The following KANTR variants were observed in gnomAD, a reference collection of about 807,000 sequenced individuals.
The protein encoded by KANTR is KANTR integral membrane protein, also known as KDM5C adjacent transcript.
chrX:53,096,394 A>T (rs1227027390), intron 1 of KANTR, among the ~76,000 whole-genome samples: 2 of 112,522 alleles, frequency 1.8e-5, no homozygotes, highest in Non-Finnish European at 3.8e-5. Flanking sequence ...TACTGGTGAG[A>T]TATTCTAAAG....
intron 1 of KANTR, chrX:53,094,730 C>T (rs782051878): frequency 3.0e-4 from 34 of 112,101 alleles, no homozygotes; most frequent in African/African-American, 1.0e-3. Context: ...CAGCCTGGGC[C>T]TCAGTTTCCT....
At chrX:53,124,074 T>TTGTG in exon 3 of KANTR, 1 of 261,692 alleles carries the variant, frequency 3.8e-6, no homozygotes. Context: ...TTTTGTTTGT[T>TTGTG]TGTTTGTTTT....
downstream of KANTR, among the ~76,000 whole-genome samples, chrX:53,145,148 CAGTG>C (rs781783306): frequency 2.2e-4 from 24 of 111,301 alleles, no homozygotes; most frequent in African/African-American, 7.2e-4. Flanking sequence ...GAGTGTCTGA[CAGTG>C]GGTGCAGGAC....
At chrX:53,140,100 G>A (rs1231222107) in intron 2 of KANTR, among the ~76,000 whole-genome samples, 1 of 112,606 alleles carries the variant, frequency 8.9e-6, no homozygotes, top group Non-Finnish European at 1.9e-5. Flanking sequence ...CCAAGTGGCG[G>A]TGGGGGTGTA....
chrX:53,137,899 G>GT (rs1200435829), intron 2 of KANTR, among the ~76,000 whole-genome samples: 2 of 110,377 alleles, frequency 1.8e-5, no homozygotes, highest in Admixed American at 1.9e-4. Context: ...CTATATCTTG[G>GT]TTTTTTAATT....
At chrX:53,115,673 G>A (rs1933113025) in intron 2 of KANTR, among the ~76,000 whole-genome samples, 1 of 113,169 alleles carries the variant, frequency 8.8e-6, no homozygotes, top group Non-Finnish European at 1.9e-5. Flanking sequence ...TGGAGTCCAA[G>A]GGAAAGCCCA....
At chrX:53,135,354 A>T (rs1556817483) in intron 2 of KANTR, among the ~76,000 whole-genome samples, 1 of 111,202 alleles carries the variant, frequency 9.0e-6, no homozygotes, top group Non-Finnish European at 1.9e-5. Flanking sequence ...GTCTGCTTGG[A>T]TCACCCCTAG....
At chrX:53,102,987 T>C (rs980140360) in intron 2 of KANTR, among the ~76,000 whole-genome samples, 1 of 16,300 alleles carries the variant, frequency 6.1e-5, no homozygotes, top group East Asian at 4.7e-3. Flanking sequence ...TTTGTTTGTT[T>C]TTTTTTTTTT....
chrX:53,106,742 G>T (rs1378364932), intron 2 of KANTR, among the ~76,000 whole-genome samples: 1 of 110,333 alleles, frequency 9.1e-6, no homozygotes, highest in Non-Finnish European at 1.9e-5. Flanking sequence ...AGGGGTACAG[G>T]TTTATTCTTC....
At chrX:53,096,230 T>C (rs2146710706) in intron 1 of KANTR, among the ~76,000 whole-genome samples, 1 of 112,126 alleles carries the variant, frequency 8.9e-6, no homozygotes, top group Non-Finnish European at 1.9e-5. Context: ...ACTCTCCCAC[T>C]CAATTATAAG....
At chrX:53,128,000 G>T (rs1353487239), downstream of KANTR, among the ~76,000 whole-genome samples, 1 of 111,279 alleles carries the variant, frequency 9.0e-6, no homozygotes, top group Non-Finnish European at 1.9e-5. Flanking sequence ...AGCTCAAAAA[G>T]AGTTTATTTC....
At chrX:53,138,433 C>T (rs1261149474) in intron 2 of KANTR, among the ~76,000 whole-genome samples, 2 of 107,209 alleles carry the variant, frequency 1.9e-5, no homozygotes, top group Non-Finnish European at 3.9e-5. Flanking sequence ...GAGGCTGAGG[C>T]GGGTGGATCA....
intron 1 of KANTR, among the ~76,000 whole-genome samples, chrX:53,099,142 G>A (rs1348540164): frequency 1.8e-5 from 2 of 111,537 alleles, no homozygotes; most frequent in Non-Finnish European, 3.8e-5. Context: ...AAGCCAAGGC[G>A]GGTGAATTGC....
exon 3 of KANTR, chrX:53,124,410 A>T (rs1569238943): frequency 6.8e-6 from 2 of 294,281 alleles, no homozygotes; most frequent in Non-Finnish European, 1.2e-5. Context: ...TCTCTATTGT[A>T]TCTTTGTTTT....
intron 2 of KANTR, among the ~76,000 whole-genome samples, chrX:53,104,447 A>C (rs1169408860): frequency 3.7e-5 from 4 of 109,397 alleles, no homozygotes; most frequent in South Asian, 3.9e-4. Context: ...GGGTGGTCTC[A>C]AACTCCTGAC....
intron 2 of KANTR, among the ~76,000 whole-genome samples, chrX:53,117,909 C>T (rs1294763120): frequency 1.8e-5 from 2 of 111,326 alleles, no homozygotes; most frequent in East Asian, 2.8e-4. Flanking sequence ...CGTGAGCCAC[C>T]ATGCCCGGCC....
chrX:53,143,806 C>T (rs1364970858), downstream of KANTR: 1 of 502,023 alleles, frequency 2.0e-6, no homozygotes, highest in African/African-American at 2.3e-5. Context: ...CCGGGGTCAC[C>T]TGATGATGGA....
At chrX:53,128,079 A>C (rs1179097099), downstream of KANTR, among the ~76,000 whole-genome samples, 1 of 111,748 alleles carries the variant, frequency 8.9e-6, no homozygotes, top group Non-Finnish European at 1.9e-5. Context: ...ACTGGGGCCT[A>C]GTCTGGCTCC....
chrX:53,144,405 A>G (rs1039007798), downstream of KANTR, among the ~76,000 whole-genome samples: 7 of 111,672 alleles, frequency 6.3e-5, no homozygotes, highest in Non-Finnish European at 1.3e-4. Context: ...AAAACAAAAA[A>G]TCTGTCTAGG....
Sources: gnomAD v4.1 joint callset for allele counts (sites outside exome capture counted in the v4.1 genomes callset) on GRCh38, gnomAD v4.1.1 for gene constraint, MANE v1.5 for transcripts, NCBI Gene and HGNC (gene_info 2026-07-23, HGNC 2026-07-21) for gene names.